UBN2: variants seen among roughly 807,000 people sequenced by gnomAD.
UBN2 encodes the protein ubinuclein-2.
UBN2 carries 35 observed loss-of-function variants against 120.2 expected under a neutral mutation model. The observed-to-expected ratio is 0.29, with a 90% CI of 0.22 to 0.39. The LOEUF is 0.39. Among genes scored for constraint, UBN2 ranks in the 10% least tolerant of loss-of-function variants. UBN2 has a pLI of 1.00. For synonymous variants in UBN2, 661 were observed against 648.7 expected, an observed-to-expected ratio of 1.02 and a Z score of -0.29; for missense variants, 1,693 against 1,663.2, an observed-to-expected ratio of 1.02 and a Z score of -0.31.
At chr7:139,296,877 GAAAACATAGCAAGACTCTCTCTT>G (rs1798123220) in intron 17 of UBN2, among the ~76,000 whole-genome samples, 1 of 152,052 alleles carries the variant, frequency 6.6e-6, no homozygotes, top group African/African-American at 2.4e-5. Flanking sequence ...CTCCAGCCTG[GAAAACATAGCAAGACTCTCTCTT>G]AAAAAAAGAA....
intron 11 of UBN2, among the ~76,000 whole-genome samples, chr7:139,275,277 CAAAAAAAAAA>C (rs758714682): frequency 1.6e-4 from 7 of 44,900 alleles, no homozygotes; most frequent in African/African-American, 1.6e-4. Flanking sequence ...AACTCTGTCT[CAAAAAAAAAA>C]AAAAAAAAAA....
intron 2 of UBN2, among the ~76,000 whole-genome samples, chr7:139,241,580 A>T (rs1796320876): frequency 6.6e-6 from 1 of 152,210 alleles, no homozygotes; most frequent in Admixed American, 6.5e-5. Flanking sequence ...TAGAAAAGTA[A>T]TTCTGAGCAG....
chr7:139,318,459 G>A, the UBN2 span, among the ~76,000 whole-genome samples: 25 of 152,132 alleles, frequency 1.6e-4, no homozygotes, highest in Non-Finnish European at 3.4e-4. Flanking sequence ...ATATATCCCT[G>A]CACTTCAGAA....
At chr7:139,259,146 T>A in intron 4 of UBN2, 121 bp from the exon 5 acceptor site, 1 of 1,427,018 alleles carries the variant, frequency 7.0e-7, no homozygotes, top group Non-Finnish European at 9.3e-7. Context: ...TCTGCAGTTA[T>A]AACAAACGAT....
At chr7:139,261,206 C>T (rs144367686) in intron 5 of UBN2, 46 bp from the exon 6 acceptor site, 59 of 1,528,558 alleles carry the variant, frequency 3.9e-5, no homozygotes, top group Non-Finnish European at 4.7e-5. Context: ...GACACTTTAA[C>T]GTTTAAAATC....
chr7:139,264,960 T>G (rs1843344017), intron 6 of UBN2, among the ~76,000 whole-genome samples: 2 of 152,202 alleles, frequency 1.3e-5, no homozygotes, highest in Admixed American at 1.3e-4. Context: ...TACATTCATA[T>G]GATCAAATCA....
chr7:139,306,188 A>G lies in UBN2; in HGVS notation c.*8352A>G, dbSNP rs1798356064. On this transcript the variant is annotated 3_prime_UTR_variant, in exon 18 of 18. Transcript: ENST00000473989. ...CCTCAAAGCACATTTAGGAGTATCA[A>G]CCAAGACCAGCCAGTTGACATGTTT... The G allele has an allele frequency of 1.3e-5, 2 of 152,234 alleles. No homozygotes were observed. The highest frequency in any genetic ancestry group is 2.4e-5 in the African/African-American group (1 of 41,462). 9.4% of individuals were successfully genotyped at this position (152,234 alleles called of 1,614,324 possible).
the UBN2 span, among the ~76,000 whole-genome samples, chr7:139,329,405 C>G: frequency 6.6e-6 from 1 of 151,854 alleles, no homozygotes; most frequent in Admixed American, 6.6e-5. Flanking sequence ...AAAAAAATTA[C>G]TGTTGCTTGG....
chr7:139,283,191 C>G lies in UBN2; in HGVS notation c.2286C>G (p.Phe762Leu), dbSNP rs1797667776. Residue 762 changes from phenylalanine (F) to leucine (L), a missense_variant, in exon 15 of 18, where the codon TTC (phenylalanine) becomes TTG (leucine). Physicochemically the swap from Phe to Leu is conservative, Grantham distance 22. Around this residue, in one of 5 missense-constraint regions of UBN2, gnomAD observed 837 missense variants for 817.6 expected, o/e 1.02. Transcript: ENST00000473989. ...ACTCACTAGATGAAGACCTTTCTTT[C>G]CATTCACCTTCACTGGATCTTGTTT... ...LDDSLDEDLSFHSPSLDLVSE... is the reference protein window; with the variant it reads ...LDDSLDEDLSLHSPSLDLVSE... 1 of 1,612,704 alleles carries G rather than the reference C, an allele frequency of 6.2e-7. No homozygotes were observed. Among genetic ancestry groups the G allele is most frequent in the Non-Finnish European group, 8.5e-7 (1 of 1,179,862 alleles).
At chr7:139,329,906 A>G in the UBN2 span, among the ~76,000 whole-genome samples, 1 of 152,244 alleles carries the variant, frequency 6.6e-6, no homozygotes, top group South Asian at 2.1e-4. Flanking sequence ...TGTTCAATTA[A>G]TTCAACAAAT....
chr7:139,231,412 G>A lies in UBN2; in HGVS notation c.-73G>A. On this transcript the variant is annotated 5_prime_UTR_variant, in exon 1 of 18. Transcript: ENST00000473989. ...AAAAGCGACAGAGAGCAAGAGGAAG[G>A]GCGGGCAGGCACGCAGCGCGCCGTA... 3.4e-6 allele frequency: 4 copies of A among 1,187,564 alleles called. No individual in the cohort carries two copies. The highest frequency in any genetic ancestry group is 4.3e-6 in the Non-Finnish European group (4 of 932,814). 73.6% of individuals were successfully genotyped at this position (1,187,564 alleles called of 1,614,324 possible).
At chr7:139,289,533 C>T (rs1797888238) in intron 15 of UBN2, among the ~76,000 whole-genome samples, 1 of 151,682 alleles carries the variant, frequency 6.6e-6, no homozygotes, top group Non-Finnish European at 1.5e-5. Context: ...CTGCCTCAGC[C>T]TCCAAGTACC....
chr7:139,291,379 A>C (rs1040763208), intron 15 of UBN2, among the ~76,000 whole-genome samples: 188 of 151,394 alleles, frequency 1.2e-3, no homozygotes, highest in Non-Finnish European at 2.3e-3. Context: ...AAAAAAAAAA[A>C]AAACATGGAA....
intron 2 of UBN2, among the ~76,000 whole-genome samples, chr7:139,243,292 GT>G (rs531196836): frequency 2.0e-5 from 3 of 151,006 alleles, no homozygotes; most frequent in Non-Finnish European, 3.0e-5. Context: ...AAATTCAAGG[GT>G]TTTTTTTTGT....
chr7:139,255,018 A>C (rs1796720558), intron 3 of UBN2, among the ~76,000 whole-genome samples: 1 of 152,208 alleles, frequency 6.6e-6, no homozygotes, highest in Non-Finnish European at 1.5e-5. Flanking sequence ...GGGTTTGGAC[A>C]AATGAATAAT....
At chr7:139,255,622 A>G (rs1298245466) in intron 3 of UBN2, among the ~76,000 whole-genome samples, 2 of 152,066 alleles carry the variant, frequency 1.3e-5, no homozygotes, top group East Asian at 3.9e-4. Flanking sequence ...TGCCCTTGAC[A>G]TATTATTTGT....
chr7:139,316,700 A>G, the UBN2 span, among the ~76,000 whole-genome samples: 1 of 151,908 alleles, frequency 6.6e-6, no homozygotes, highest in South Asian at 2.1e-4. Flanking sequence ...GCAGAGAATC[A>G]CGCCACTGCA....
chr7:139,274,770 A>AAAAAAAGAAAAAG (rs1278586626), intron 11 of UBN2, among the ~76,000 whole-genome samples: 1 of 151,804 alleles, frequency 6.6e-6, no homozygotes, highest in Non-Finnish European at 1.5e-5. Context: ...CTCAAAAAAA[A>AAAAAAAGAAAAAG]AAAAAAGAAA....
rs1305915274 is a variant in UBN2 at position 139,307,338 on chromosome 7, GGACCT to G, written c.*9505_*9509del. On this transcript the variant is annotated 3_prime_UTR_variant, in exon 18 of 18. Coordinates refer to ENST00000473989, the MANE Select transcript of UBN2 (RefSeq NM_173569.4). ...ATTTTTTTTTCCTCCTTTAAAAACTGGACCTGAACACAAGCTTTGAGTTGATGTTT... is the reference window on the plus strand; with the variant it reads ...ATTTTTTTTTCCTCCTTTAAAAACTGGAACACAAGCTTTGAGTTGATGTTT... 1.3e-5 allele frequency: 2 copies of G among 151,956 alleles called. No individual in the cohort carries two copies. The highest frequency in any genetic ancestry group is 4.8e-5 in the African/African-American group (2 of 41,366). 9.4% of individuals were successfully genotyped at this position (151,956 alleles called of 1,614,324 possible). A position where few individuals can be genotyped will look rare whatever the true frequency, so the allele number is the denominator to read the frequency against.
Sources: gnomAD v4.1 joint callset for allele counts (sites outside exome capture counted in the v4.1 genomes callset) on GRCh38, gnomAD v4.1.1 for gene constraint, gnomAD v4.1.1 regional missense constraint, MANE v1.5 for transcripts, NCBI Gene and HGNC (gene_info 2026-07-23, HGNC 2026-07-21) for gene names.